LDLRAP1: variants seen among roughly 807,000 people sequenced by gnomAD.
The protein encoded by LDLRAP1 is low density lipoprotein receptor adaptor protein 1.
LDLRAP1 carries 30 observed loss-of-function variants against 37.8 expected under a neutral mutation model. That is an observed-to-expected ratio of 0.79 (90% CI 0.59 to 1.08). LDLRAP1 has a LOEUF of 1.08. Among genes scored for constraint, LDLRAP1 ranks in the 50% least tolerant of loss-of-function variants. LDLRAP1 has a pLI of 0.00. For missense variants in LDLRAP1, 375 were observed against 401.6 expected (o/e 0.93, Z 0.57); for synonymous variants, 156 against 169.8 (o/e 0.92, Z 0.63).
intron 4 of LDLRAP1, 42 bp downstream of exon 4, chr1:25,557,309 T>G: frequency 6.7e-7 from 1 of 1,503,368 alleles, no homozygotes; most frequent in Non-Finnish European, 9.3e-7. Flanking sequence ...TCCAGTGGCC[T>G]TGGCAGCCTT....
chr1:25,576,089 G>A, the LDLRAP1 span, among the ~76,000 whole-genome samples: 98,984 of 151,656 alleles, frequency 0.65, 34,187 homozygotes, highest in Non-Finnish European at 0.78. Flanking sequence ...AAAATTAGCC[G>A]GGCATGGTGG....
chr1:25,543,709 T>C lies in LDLRAP1; in HGVS notation c.11T>C (p.Leu4Pro). ...CGGCCGGAGCGGGCCATGGACGCGC[T>C]CAAGTCGGCGGGGCGGGCGCTGATC... MDA[L>P]KSAGRALIRS... The change falls in exon 1 of 9, where the codon CTC becomes CCC. Residue 4 changes from leucine (L) to proline (P), a missense_variant. By Grantham distance (98) the Leu-to-Pro change is moderately conservative. Transcript: ENST00000374338. The C allele has an allele frequency of 1.6e-6, 2 of 1,214,956 alleles. No individual in the cohort carries two copies. Among genetic ancestry groups the C allele is most frequent in the Non-Finnish European group, 2.0e-6 (2 of 977,280 alleles). The allele number at this position is 1,214,956 out of a possible 1,614,324, so 75.3% of individuals were successfully genotyped here.
chr1:25,545,133 C>A (rs1471062422), intron 1 of LDLRAP1, among the ~76,000 whole-genome samples: 4 of 152,188 alleles, frequency 2.6e-5, no homozygotes, highest in Admixed American at 2.6e-4. Context: ...CCAAAATAGA[C>A]CCTTTAAAAA....
At chr1:25,564,940 A>G (rs1223337615) in intron 7 of LDLRAP1, 2 of 553,430 alleles carry the variant, frequency 3.6e-6, no homozygotes, top group Non-Finnish European at 6.5e-6. Context: ...CTGGGTCTCC[A>G]GACACCCTGG....
intron 1 of LDLRAP1, among the ~76,000 whole-genome samples, chr1:25,551,991 C>T (rs976207539): frequency 6.6e-6 from 1 of 152,158 alleles, no homozygotes; most frequent in African/African-American, 2.4e-5. Context: ...CCTCCCCAGC[C>T]CTGACACCCG....
At chr1:25,581,648 G>C in the LDLRAP1 span, 8 of 152,388 alleles carry the variant, frequency 5.2e-5, no homozygotes. Context: ...GAGTGGGACC[G>C]GCAGAGCTGG....
chr1:25,561,921 G>A (rs2044350400), intron 4 of LDLRAP1, among the ~76,000 whole-genome samples: 1 of 152,122 alleles, frequency 6.6e-6, no homozygotes, highest in African/African-American at 2.4e-5. Context: ...GGTGGGGCTC[G>A]AGGAGTCTGG....
chr1:25,547,860 G>A (rs2043975226), intron 1 of LDLRAP1, among the ~76,000 whole-genome samples: 1 of 152,254 alleles, frequency 6.6e-6, no homozygotes, highest in South Asian at 2.1e-4. Flanking sequence ...TCTGGGAACA[G>A]TGTTCCAGCT....
chr1:25,546,475 G>C (rs1242844014), intron 1 of LDLRAP1, among the ~76,000 whole-genome samples: 1 of 152,166 alleles, frequency 6.6e-6, no homozygotes, highest in Admixed American at 6.6e-5. Flanking sequence ...TTGAAAGAGG[G>C]CTCTCTTCCT....
At chr1:25,553,867 G>C in intron 1 of LDLRAP1, 55 bp from the exon 2 acceptor site, 1 of 1,603,826 alleles carries the variant, frequency 6.2e-7, no homozygotes, top group Non-Finnish European at 8.5e-7. Context: ...GAGAGCTGTT[G>C]CTGGTGGTGG....
intron 1 of LDLRAP1, among the ~76,000 whole-genome samples, chr1:25,548,888 T>C (rs2044004159): frequency 6.6e-6 from 1 of 152,128 alleles, no homozygotes; most frequent in South Asian, 2.1e-4. Flanking sequence ...ACTCCTGGCC[T>C]CAAGCAATCC....
chr1:25,546,423 A>C (rs1055423711), intron 1 of LDLRAP1, among the ~76,000 whole-genome samples: 2 of 152,174 alleles, frequency 1.3e-5, no homozygotes, highest in Admixed American at 6.5e-5. Flanking sequence ...GCTTCTTTCC[A>C]CCCAGCTTCA....
chr1:25,579,282 G>A, the LDLRAP1 span, among the ~76,000 whole-genome samples: 5 of 152,316 alleles, frequency 3.3e-5, no homozygotes, highest in Admixed American at 2.0e-4. Context: ...CCTGCACACA[G>A]ATCTGCACCA....
At chr1:25,553,869 T>C (rs1417828801) in intron 1 of LDLRAP1, 53 bp from the exon 2 acceptor site, 4 of 1,603,310 alleles carry the variant, frequency 2.5e-6, no homozygotes, top group Non-Finnish European at 3.4e-6. Context: ...GAGCTGTTGC[T>C]GGTGGTGGGC....
chr1:25,565,356 T>G, intron 8 of LDLRAP1, 149 bp downstream of exon 8: 1 of 890,976 alleles, frequency 1.1e-6, no homozygotes, highest in Non-Finnish European at 1.9e-6. Flanking sequence ...ACTCAAATGC[T>G]TCCAGGGGCA....
At chr1:25,548,168 T>C (rs1295755434) in intron 1 of LDLRAP1, among the ~76,000 whole-genome samples, 2 of 152,168 alleles carry the variant, frequency 1.3e-5, no homozygotes, top group Non-Finnish European at 2.9e-5. Flanking sequence ...TCCTGGACTC[T>C]TCTCTCAATA....
intron 1 of LDLRAP1, among the ~76,000 whole-genome samples, chr1:25,551,348 A>C (rs566529913): frequency 1.4e-4 from 21 of 152,294 alleles, no homozygotes; most frequent in Admixed American, 5.9e-4. Flanking sequence ...TTTTGCTAGA[A>C]TTAAGGTAGT....
At position 25,544,032 on chromosome 1, in the gene LDLRAP1, G is replaced by A. The variant is rs1444824795; in HGVS notation, c.88+246G>A. On this transcript the variant is annotated intron_variant, in intron 1 of 8. Coordinates refer to ENST00000374338, the MANE Select transcript of LDLRAP1 (RefSeq NM_015627.3). This position sits in a 1 kb window ranked among gnomAD's most constrained non-coding sequence, Gnocchi z 4.8. ...GCTGAGGAAGGAGCCCGAGCTCGGG[G>A]TCCTCAGGTGCAGCCGGCATGGGGT... 2.6e-5 allele frequency among the ~76,000 whole-genome samples: 4 copies of A among 152,268 alleles called. No homozygotes were observed. The East Asian group carries it at 7.8e-4, about 30-fold the overall frequency.
At chr1:25,556,048 G>C (rs939952608) in intron 3 of LDLRAP1, among the ~76,000 whole-genome samples, 16 of 152,158 alleles carry the variant, frequency 1.1e-4, no homozygotes, top group African/African-American at 1.4e-4. Context: ...GTAACATTTA[G>C]AGCAGGAAGC....
Sources: allele counts gnomAD v4.1 joint callset (sites outside exome capture counted in the v4.1 genomes callset), GRCh38; gene constraint gnomAD v4.1.1; non-coding constraint Gnocchi (gnomAD v3.1); transcripts MANE v1.5; gene names NCBI Gene and HGNC (gene_info 2026-07-23, HGNC 2026-07-21).